Variants in DDX31 observed in about 807,000 individuals in gnomAD.
DDX31 encodes the protein DEAD-box helicase 31.
Under a neutral mutation model 91.3 loss-of-function variants are expected in DDX31, and 70 were observed. That is an observed-to-expected ratio of 0.77 (90% CI 0.63 to 0.94). The LOEUF (loss-of-function observed/expected upper bound fraction) is 0.94, where lower values mean the gene tolerates loss of function less well. Ranked by LOEUF, DDX31 falls within the 40% of genes least tolerant of loss-of-function variation. The pLI is 0.00. For synonymous variants in DDX31, 362 were observed against 350.6 expected, an observed-to-expected ratio of 1.03 and a Z score of -0.36; for missense variants, 902 against 925.0, an observed-to-expected ratio of 0.98 and a Z score of 0.32.
intron 19 of DDX31, among the ~76,000 whole-genome samples, chr9:132,597,211 A>T (rs1051469493): frequency 1.3e-5 from 2 of 152,126 alleles, no homozygotes; most frequent in Non-Finnish European, 2.9e-5. Flanking sequence ...GAGTCTCATC[A>T]TGGGTCACCC....
intron 6 of DDX31, among the ~76,000 whole-genome samples, chr9:132,654,051 C>T (rs554870051): frequency 5.2e-4 from 79 of 152,024 alleles, no homozygotes; most frequent in African/African-American, 1.9e-3. Flanking sequence ...TGGTTTAATT[C>T]AAAAGTCCTG....
chr9:132,625,733 A>C lies in DDX31; in HGVS notation c.1644T>G (p.Ile548Met), dbSNP rs751920599. ...LASHKINVSE[I>M]KMEDILCVLT... ...GAACACACAAAATATCTTCCATCTTAATCTCAGAAACGCTGTAAAAGGAAG... is the reference window on the plus strand; with the variant it reads ...GAACACACAAAATATCTTCCATCTTCATCTCAGAAACGCTGTAAAAGGAAG... The change falls in exon 17 of 20, where the codon ATT becomes ATG. Residue 548 changes from isoleucine (I) to methionine (M), a missense_variant. Coordinates refer to ENST00000372159, the MANE Select transcript of DDX31 (RefSeq NM_022779.9). 6 of 1,613,658 alleles carry C rather than the reference A, an allele frequency of 3.7e-6. No homozygotes were observed. Among genetic ancestry groups the C allele is most frequent in the South Asian group, 1.1e-5 (1 of 90,882 alleles).
intron 4 of DDX31, among the ~76,000 whole-genome samples, chr9:132,660,826 A>C (rs1000308230): frequency 6.6e-6 from 1 of 151,966 alleles, no homozygotes; most frequent in African/African-American, 2.4e-5. Context: ...TCAGTATCCC[A>C]CTCTATCCAA....
chr9:132,600,141 G>A (rs1049956335), intron 19 of DDX31, among the ~76,000 whole-genome samples: 4 of 152,230 alleles, frequency 2.6e-5, no homozygotes, highest in East Asian at 1.9e-4. Flanking sequence ...CCTTGGCATG[G>A]GCCAACCCAA....
chr9:132,632,013 G>A, intron 15 of DDX31, 28 bp downstream of exon 15: 1 of 1,605,016 alleles, frequency 6.2e-7, no homozygotes, highest in Non-Finnish European at 8.5e-7. Flanking sequence ...CCTGCCTAAA[G>A]CTTACACCTT....
At chr9:132,616,064 C>T (rs922082416) in intron 18 of DDX31, among the ~76,000 whole-genome samples, 4 of 152,100 alleles carry the variant, frequency 2.6e-5, no homozygotes, top group Non-Finnish European at 5.9e-5. Flanking sequence ...AGTGGCTGTT[C>T]CTATGCAGTA....
intron 19 of DDX31, among the ~76,000 whole-genome samples, chr9:132,603,915 G>A (rs577124603): frequency 2.0e-5 from 3 of 152,242 alleles, no homozygotes; most frequent in South Asian, 2.1e-4. Context: ...AGGAGGGTGC[G>A]TTTGTTCCAC....
chr9:132,645,675 T>C (rs922825316), intron 13 of DDX31, among the ~76,000 whole-genome samples: 1 of 151,976 alleles, frequency 6.6e-6, no homozygotes, highest in Non-Finnish European at 1.5e-5. Flanking sequence ...CAAAAGCAAA[T>C]GGGAACAATA....
chr9:132,651,519 A>G (rs1254388200), intron 7 of DDX31, among the ~76,000 whole-genome samples: 2 of 152,236 alleles, frequency 1.3e-5, no homozygotes, highest in African/African-American at 4.8e-5. Flanking sequence ...ATAGTGACGC[A>G]ACAGGGTAGC....
In DDX31 at chr9:132,595,134, G is replaced by A. The variant is rs1338877068; in HGVS notation, c.1995-22C>T. On this transcript the variant is annotated intron_variant, in intron 19 of 19. Transcript: ENST00000372159. The surrounding 1 kb of genome is among the most constrained non-coding windows in gnomAD (Gnocchi z 4.6). ...AGGCCTGAAGAACAGTAACAGCAGA[G>A]AGGGAAAAGAAACTTTATTATTTTT... 5 of 1,593,252 alleles carry A rather than the reference G, an allele frequency of 3.1e-6. No individual in the cohort carries two copies. The South Asian group carries it at 5.6e-5, about 18-fold the overall frequency.
intron 14 of DDX31, among the ~76,000 whole-genome samples, chr9:132,637,269 G>C (rs1444687531): frequency 6.6e-6 from 1 of 152,166 alleles, no homozygotes; most frequent in Non-Finnish European, 1.5e-5. Context: ...AGAGGATTCT[G>C]TTCTGTCTGC....
intron 19 of DDX31, among the ~76,000 whole-genome samples, chr9:132,603,868 T>C (rs1377255761): frequency 6.6e-6 from 1 of 152,100 alleles, no homozygotes; most frequent in Admixed American, 6.6e-5. Context: ...TCAGGGTCAC[T>C]GTGAAATCCT....
At chr9:132,615,770 C>T (rs757550349) in intron 18 of DDX31, among the ~76,000 whole-genome samples, 1 of 152,160 alleles carries the variant, frequency 6.6e-6, no homozygotes, top group Non-Finnish European at 1.5e-5. Context: ...GAATCCCTAG[C>T]TAAATGATGC....
In DDX31 at chr9:132,613,434, C is replaced by T. The variant is rs374253622; in HGVS notation, c.1826-1179G>A. ...AGCGGCCGGGCGCGGTGGCTCAAGC[C>T]TGTAATCCCAGCACTTTGGGAGGCC... is the stretch of plus-strand genomic sequence containing the variant. On this transcript the variant is annotated intron_variant, in intron 18 of 19. Coordinates refer to ENST00000372159, the MANE Select transcript of DDX31 (RefSeq NM_022779.9). 6.6e-4 allele frequency among the ~76,000 whole-genome samples: 100 copies of T among 152,318 alleles called. No individual in the cohort carries two copies. In the East Asian group the frequency reaches 0.015, roughly 22 times the overall value.
At chr9:132,630,707 C>G (rs1297206865) in intron 15 of DDX31, among the ~76,000 whole-genome samples, 1 of 150,164 alleles carries the variant, frequency 6.7e-6, no homozygotes, top group Admixed American at 6.6e-5. Flanking sequence ...TTATTTGCAT[C>G]TTTTCACTGT....
chr9:132,598,489 TCA>T (rs1286904943), intron 19 of DDX31, among the ~76,000 whole-genome samples: 1 of 152,034 alleles, frequency 6.6e-6, no homozygotes, highest in Non-Finnish European at 1.5e-5. Flanking sequence ...AAACCCCCCC[TCA>T]GTTACCAGGC....
At chr9:132,610,020 G>A (rs1831238985) in intron 19 of DDX31, among the ~76,000 whole-genome samples, 1 of 152,180 alleles carries the variant, frequency 6.6e-6, no homozygotes, top group Non-Finnish European at 1.5e-5. Context: ...GGCTTCTGAT[G>A]ATGAGGCTAC....
intron 19 of DDX31, among the ~76,000 whole-genome samples, chr9:132,609,139 G>C (rs1234807072): frequency 1.3e-5 from 2 of 152,064 alleles, no homozygotes; most frequent in Non-Finnish European, 2.9e-5. Context: ...TAACAGAGTG[G>C]GGACATGGCA....
intron 17 of DDX31, among the ~76,000 whole-genome samples, chr9:132,624,146 G>A (rs1467979789): frequency 9.4e-5 from 12 of 127,484 alleles, no homozygotes; most frequent in Admixed American, 2.8e-4. Context: ...CAGCATGGGC[G>A]ACAGAGCGAG....
Sources: allele counts gnomAD v4.1 joint callset (sites outside exome capture counted in the v4.1 genomes callset), GRCh38; gene constraint gnomAD v4.1.1; non-coding constraint Gnocchi (gnomAD v3.1); transcripts MANE v1.5; gene names NCBI Gene and HGNC (gene_info 2026-07-23, HGNC 2026-07-21).